ACOX3: variants seen among roughly 807,000 people sequenced by gnomAD.
ACOX3 encodes peroxisomal acyl-coenzyme A oxidase 3.
A neutral mutation model predicts 81.5 loss-of-function variants in ACOX3; 73 were observed. The ratio of observed to expected loss-of-function variants is 0.90; its 90% CI spans 0.74 to 1.09. The LOEUF (loss-of-function observed/expected upper bound fraction) is 1.09, where lower values mean the gene tolerates loss of function less well. Among genes scored for constraint, ACOX3 ranks in the 50% least tolerant of loss-of-function variants. The pLI, the probability that ACOX3 is intolerant of heterozygous loss-of-function variation, is 0.00. For synonymous variants in ACOX3, 387 were observed against 375.1 expected (o/e 1.03, Z -0.37); for missense variants, 947 against 928.0 (o/e 1.02, Z -0.27).
Position 8,375,161 on chromosome 4 carries a change from C to A in ACOX3, c.1654-9G>T. 1 of 1,528,068 alleles carries A rather than the reference C, an allele frequency of 6.5e-7. No homozygotes were observed. Among genetic ancestry groups the A allele is most frequent in the Non-Finnish European group, 8.8e-7 (1 of 1,130,778 alleles). The allele number at this position is 1,528,068 out of a possible 1,614,324, so 94.7% of individuals were successfully genotyped here. A position where few individuals can be genotyped will look rare whatever the true frequency, so the allele number is the denominator to read the frequency against. ...GGACGGCCGTGGGACACCTGGAACACAGGACGGCACCGTGAGGACCGTGAG... is the reference window on the plus strand; with the variant it reads ...GGACGGCCGTGGGACACCTGGAACAAAGGACGGCACCGTGAGGACCGTGAG... On this transcript the variant is annotated splice_polypyrimidine_tract_variant and intron_variant, in intron 14 of 17. Coordinates refer to ENST00000356406, the MANE Select transcript of ACOX3 (RefSeq NM_003501.3).
At chr4:8,357,326 T>C in the ACOX3 span, 2 of 447,934 alleles carry the variant, frequency 4.5e-6, no homozygotes, top group East Asian at 7.0e-5. Context: ...TCACTGTCAA[T>C]GTTCAGCTTC....
Position 8,386,102 on chromosome 4 carries a change from G to A in ACOX3, c.1537+3071C>T, listed in dbSNP as rs1718259557. Among the ~76,000 whole-genome samples the A allele has an allele frequency of 6.6e-6, 1 of 152,322 alleles. No homozygotes were observed. The highest frequency in any genetic ancestry group is 1.9e-4 in the East Asian group (1 of 5,182). ...GCTTTCAGTCTCAGGGGAAGGGGAG[G>A]GAAGAGCAGAGCGTGATGGGCACAT... On this transcript the variant is annotated intron_variant, in intron 13 of 17. Coordinates refer to ENST00000356406, the MANE Select transcript of ACOX3 (RefSeq NM_003501.3). The surrounding 1 kb of genome is among the most constrained non-coding windows in gnomAD (Gnocchi z 5.2).
Position 8,386,361 on chromosome 4 carries a change from T to C in ACOX3, c.1537+2812A>G, listed in dbSNP as rs1385232836. Among the ~76,000 whole-genome samples, 1 of 151,930 alleles carries C rather than the reference T, an allele frequency of 6.6e-6. No individual in the cohort carries two copies. The highest frequency in any genetic ancestry group is 1.5e-5 in the Non-Finnish European group (1 of 67,988). On this transcript the variant is annotated intron_variant, in intron 13 of 17. Coordinates refer to ENST00000356406, the MANE Select transcript of ACOX3 (RefSeq NM_003501.3). The surrounding 1 kb of genome is among the most constrained non-coding windows in gnomAD (Gnocchi z 5.2). ...GTGGGCGGATCACGAGGTCAGGATA[T>C]CGAGACCATCCTGCCTAACACGGTG...
At position 8,419,784 on chromosome 4, in the gene ACOX3, C is replaced by T. The variant is rs186826269; in HGVS notation, c.-14-3249G>A. 6.6e-6 allele frequency among the ~76,000 whole-genome samples: 1 copy of T among 152,276 alleles called. No individual in the cohort carries two copies. Among genetic ancestry groups the T allele is most frequent in the African/African-American group, 2.4e-5 (1 of 41,548 alleles). Reference sequence around the variant, plus strand: ...CTGAGTGTTCAACACTGAATTCAGCCTCTCAGCCCTGACCCAGCTTCGCCT... The same window carrying T: ...CTGAGTGTTCAACACTGAATTCAGCTTCTCAGCCCTGACCCAGCTTCGCCT... On this transcript the variant is annotated intron_variant, in intron 1 of 17. Transcript: ENST00000356406. The surrounding 1 kb of genome is among the most constrained non-coding windows in gnomAD (Gnocchi z 4.2).
At chr4:8,413,506 A>C (rs1488885800) in intron 5 of ACOX3, among the ~76,000 whole-genome samples, 7 of 85,430 alleles carry the variant, frequency 8.2e-5, no homozygotes, top group African/African-American at 1.9e-4. Context: ...CCACCCCGCA[A>C]CCCTCCATGC....
At position 8,385,320 on chromosome 4, in the gene ACOX3, GTGACCTCACTGCTCACCTCACA is replaced by G. The variant is rs1718179660; in HGVS notation, c.1538-3735_1538-3714del. On this transcript the variant is annotated intron_variant, in intron 13 of 17. Coordinates refer to ENST00000356406, the MANE Select transcript of ACOX3 (RefSeq NM_003501.3). The surrounding 1 kb of genome is among the most constrained non-coding windows in gnomAD (Gnocchi z 5.5). ...CCCCACGTGACTCCACCGCTCACCT[GTGACCTCACTGCTCACCTCACA>G]TGACCTCACTGTGCACTCCACGTGA... 1.3e-5 allele frequency among the ~76,000 whole-genome samples: 2 copies of G among 151,004 alleles called. No individual in the cohort carries two copies. Among genetic ancestry groups the G allele is most frequent in the Admixed American group, 1.3e-4 (2 of 15,180 alleles).
rs1297548887 is a variant in ACOX3 at position 8,423,689 on chromosome 4, T to C, written c.-14-7154A>G. Among the ~76,000 whole-genome samples, 2 of 152,168 alleles carry C rather than the reference T, an allele frequency of 1.3e-5. No individual in the cohort carries two copies. The highest frequency in any genetic ancestry group is 4.8e-5 in the African/African-American group (2 of 41,444). ...CTTATACTCACTCTGCTTTCCCAAA[T>C]ACCAGAGGAAGCAGAGTGGTTTACA... On this transcript the variant is annotated intron_variant, in intron 1 of 17. Transcript: ENST00000356406. This position sits in a 1 kb window ranked among gnomAD's most constrained non-coding sequence, Gnocchi z 4.2.
intron 7 of ACOX3, among the ~76,000 whole-genome samples, chr4:8,402,492 C>T (rs900576511): frequency 6.6e-6 from 1 of 152,208 alleles, no homozygotes. Flanking sequence ...CAGTATGATC[C>T]GGTCACAGTC....
At chr4:8,373,161 G>A (rs925862214) in intron 16 of ACOX3, among the ~76,000 whole-genome samples, 1 of 152,228 alleles carries the variant, frequency 6.6e-6, no homozygotes, top group African/African-American at 2.4e-5. Context: ...TCTCAAAGTA[G>A]CTGCAAAAGG....
chr4:8,361,323 G>C (rs1578834570), downstream of ACOX3, among the ~76,000 whole-genome samples: 6 of 148,946 alleles, frequency 4.0e-5, no homozygotes, highest in East Asian at 1.2e-3. Context: ...CTACTCAGGA[G>C]GCTGAGGCAG....
rs935092943 is a variant in ACOX3, at chr4:8,385,279, C to T, written c.1538-3672G>A. On this transcript the variant is annotated intron_variant, in intron 13 of 17. Coordinates refer to ENST00000356406, the MANE Select transcript of ACOX3 (RefSeq NM_003501.3). This position sits in a 1 kb window ranked among gnomAD's most constrained non-coding sequence, Gnocchi z 5.5. Reference sequence around the variant, plus strand: ...TCACATGACCTCACCATGCACTCCACGTGACCTCACCGCTCCCCCACGTGA... The same window carrying T: ...TCACATGACCTCACCATGCACTCCATGTGACCTCACCGCTCCCCCACGTGA... 3.3e-5 allele frequency among the ~76,000 whole-genome samples: 5 copies of T among 151,884 alleles called. No individual in the cohort carries two copies. Among genetic ancestry groups the T allele is most frequent in the African/African-American group, 9.7e-5 (4 of 41,318 alleles).
At chr4:8,434,986 T>C (rs374769017) in intron 1 of ACOX3, among the ~76,000 whole-genome samples, 5 of 152,138 alleles carry the variant, frequency 3.3e-5, no homozygotes, top group African/African-American at 1.2e-4. Flanking sequence ...AATGTTGTTT[T>C]GTCTCAAGAG....
chr4:8,429,463 G>A (rs559730806), intron 1 of ACOX3, among the ~76,000 whole-genome samples: 5 of 152,324 alleles, frequency 3.3e-5, no homozygotes, highest in Admixed American at 6.5e-5. Flanking sequence ...TGATAGACGC[G>A]GGGCTTTGGG....
At chr4:8,412,166 A>C (rs948786647) in intron 5 of ACOX3, among the ~76,000 whole-genome samples, 58 of 152,390 alleles carry the variant, frequency 3.8e-4, no homozygotes, top group African/African-American at 1.4e-3. Context: ...CTGGGTTCAG[A>C]TAAAGATATC....
In ACOX3 at chr4:8,398,774, C is replaced by A. The variant is rs191259036; in HGVS notation, c.873+782G>T. ...TACGGGCGTGAGCCACTGCACCCAG[C>A]CTTCATTTTCTTTAATCCTCTCCTT... On this transcript the variant is annotated intron_variant, in intron 8 of 17. Transcript: ENST00000356406. Among the ~76,000 whole-genome samples the A allele has an allele frequency of 3.7e-4, 57 of 152,328 alleles. 1 individual carries two copies. Among genetic ancestry groups the A allele is most frequent in the African/African-American group, 1.1e-3 (46 of 41,576 alleles).
Position 8,368,622 on chromosome 4 carries a change from T to A in ACOX3, c.1984-1542A>T, listed in dbSNP as rs1715767337. Among the ~76,000 whole-genome samples, 1 of 152,174 alleles carries A rather than the reference T, an allele frequency of 6.6e-6. No individual in the cohort carries two copies. Among genetic ancestry groups the A allele is most frequent in the Non-Finnish European group, 1.5e-5 (1 of 68,042 alleles). On this transcript the variant is annotated intron_variant, in intron 17 of 17. Coordinates refer to ENST00000356406, the MANE Select transcript of ACOX3 (RefSeq NM_003501.3). The surrounding 1 kb of genome is among the most constrained non-coding windows in gnomAD (Gnocchi z 5.9). ...ACAGTTTGGAGCAGCGGGCTTGATTTAAGGATGGTCTCAACTCCCCTGCAG... is the reference window on the plus strand; with the variant it reads ...ACAGTTTGGAGCAGCGGGCTTGATTAAAGGATGGTCTCAACTCCCCTGCAG...
Position 8,399,774 on chromosome 4 carries a change from T to C in ACOX3, c.777-122A>G. ...GACAAAGAAAATGGCAGAGGGCAAGTAGACAGGAACATTCAACCAACTTTC... is the reference window on the plus strand; with the variant it reads ...GACAAAGAAAATGGCAGAGGGCAAGCAGACAGGAACATTCAACCAACTTTC... On this transcript the variant is annotated intron_variant, in intron 7 of 17. Coordinates refer to ENST00000356406, the MANE Select transcript of ACOX3 (RefSeq NM_003501.3). The surrounding 1 kb of genome is among the most constrained non-coding windows in gnomAD (Gnocchi z 4.9). 1.2e-6 allele frequency: 1 copy of C among 819,404 alleles called. No homozygotes were observed. The highest frequency in any genetic ancestry group is 2.0e-6 in the Non-Finnish European group (1 of 504,688). The allele number at this position is 819,404 out of a possible 1,614,324, so 50.8% of individuals were successfully genotyped here. A position where few individuals can be genotyped will look rare whatever the true frequency, so the allele number is the denominator to read the frequency against.
In ACOX3 at chr4:8,386,888, C is replaced by T. The variant is rs1718372448; in HGVS notation, c.1537+2285G>A. Among the ~76,000 whole-genome samples, 1 of 152,240 alleles carries T rather than the reference C, an allele frequency of 6.6e-6. No homozygotes were observed. The highest frequency in any genetic ancestry group is 6.5e-5 in the Admixed American group (1 of 15,286). On this transcript the variant is annotated intron_variant, in intron 13 of 17. Transcript: ENST00000356406. This position sits in a 1 kb window ranked among gnomAD's most constrained non-coding sequence, Gnocchi z 5.2. The stretch of plus-strand genomic sequence containing the variant: ...CTGTAGGGCTGGAGACGGACAAGGA[C>T]ACACGCTCGGGGGCTGCTATCACAT...
In ACOX3 at chr4:8,375,136, G is replaced by A; in HGVS notation, c.1670C>T (p.Pro557Leu). The A allele has an allele frequency of 1.3e-6, 2 of 1,547,372 alleles. No homozygotes were observed. The highest frequency in any genetic ancestry group is 1.2e-5 in the South Asian group (1 of 84,032). The change falls in exon 15 of 18, where the codon CCG (proline) becomes CTG (leucine). Residue 557 changes from proline to leucine, a missense_variant. By Grantham distance (98) the Pro-to-Leu change is moderately conservative. Transcript: ENST00000356406. ...RNKCQVSHGR[P>L]LALAFVELTV... ...GAGCTCCACGAAGGCCAGCGCCAAC[G>A]GACGGCCGTGGGACACCTGGAACAC... is the stretch of plus-strand genomic sequence containing the variant.
Sources: allele counts gnomAD v4.1 joint callset (sites outside exome capture counted in the v4.1 genomes callset), GRCh38; gene constraint gnomAD v4.1.1; non-coding constraint Gnocchi (gnomAD v3.1); transcripts MANE v1.5; gene names NCBI Gene and HGNC (gene_info 2026-07-23, HGNC 2026-07-21).